The following CEP250 variants were observed in gnomAD, a reference collection of about 807,000 sequenced individuals.
The protein encoded by CEP250 is centrosome-associated protein CEP250.
A neutral mutation model predicts 315.7 loss-of-function variants in CEP250; 242 were observed. That is an observed-to-expected ratio of 0.77 (90% CI 0.69 to 0.85). The LOEUF (loss-of-function observed/expected upper bound fraction) is 0.85. Ranked by LOEUF, CEP250 falls within the 40% of genes least tolerant of loss-of-function variation. The pLI is 0.00. For synonymous variants in CEP250, 1,088 were observed against 1,175.0 expected, an observed-to-expected ratio of 0.93 and a Z score of 1.51; for missense variants, 2,515 against 2,886.4, an observed-to-expected ratio of 0.87 and a Z score of 2.95.
chr20:35,487,350 A>C (rs1488611224), intron 20 of CEP250, among the ~76,000 whole-genome samples: 1 of 152,066 alleles, frequency 6.6e-6, no homozygotes, highest in Non-Finnish European at 1.5e-5. Context: ...TGCACCTGTA[A>C]TCCCAGCTAC....
At chr20:35,459,649 G>A (rs2062712124) in intron 2 of CEP250, among the ~76,000 whole-genome samples, 1 of 151,254 alleles carries the variant, frequency 6.6e-6, no homozygotes, top group African/African-American at 2.4e-5. Context: ...AGCCTCGGTG[G>A]CACACATCTT....
chr20:35,461,631 A>T (rs992004682), intron 3 of CEP250, among the ~76,000 whole-genome samples: 1 of 152,188 alleles, frequency 6.6e-6, no homozygotes, highest in South Asian at 2.1e-4. Flanking sequence ...TCTCTCAACC[A>T]TATGCCAGCT....
chr20:35,504,961 C>T lies in CEP250; in HGVS notation c.6592C>T (p.Gln2198Ter), dbSNP rs780249987. ...SSLQEVAMFLQASVLERDSEQ... is the reference protein window; with the variant it reads ...SSLQEVAMFL ...TCTGCAGGAGGTAGCCATGTTCCTA[C>T]AAGCCTCTGTCCTGGAGCGGGACTC... The change falls in exon 30 of 35, where the codon CAA (glutamine) becomes TAA (stop). Residue 2198 changes from glutamine to a stop codon, truncating the protein, a stop_gained. Coordinates refer to ENST00000397527, the MANE Select transcript of CEP250 (RefSeq NM_007186.6). LOFTEE classifies it high-confidence loss of function. 3 of 1,613,512 alleles carry T rather than the reference C, an allele frequency of 1.9e-6. No individual in the cohort carries two copies. The highest frequency in any genetic ancestry group is 2.5e-6 in the Non-Finnish European group (3 of 1,179,696).
chr20:35,472,419 C>T (rs540342145), intron 11 of CEP250, among the ~76,000 whole-genome samples: 3 of 152,270 alleles, frequency 2.0e-5, no homozygotes, highest in Admixed American at 6.5e-5. Context: ...ATATCTCAAT[C>T]GTTTCTTCTT....
At position 35,512,090 on chromosome 20, in the gene CEP250, A is replaced by G; in HGVS notation, c.*464A>G. 1 of 962,574 alleles carries G rather than the reference A, an allele frequency of 1.0e-6. No homozygotes were observed. The highest frequency in any genetic ancestry group is 4.5e-5 in the South Asian group (1 of 21,986). The allele number at this position is 962,574 out of a possible 1,614,324, so 59.6% of individuals were successfully genotyped here. A position where few individuals can be genotyped will look rare whatever the true frequency, so the allele number is the denominator to read the frequency against. On this transcript the variant is annotated 3_prime_UTR_variant, in exon 35 of 35. Coordinates refer to ENST00000397527, the MANE Select transcript of CEP250 (RefSeq NM_007186.6). Reference sequence around the variant, plus strand: ...AGGTAGCATGCATTTATTGTACACCATGCACTGTGATAGGGAAGGGTTACA... The same window carrying G: ...AGGTAGCATGCATTTATTGTACACCGTGCACTGTGATAGGGAAGGGTTACA...
At chr20:35,507,149 C>G (rs940478887) in intron 30 of CEP250, among the ~76,000 whole-genome samples, 2 of 152,232 alleles carry the variant, frequency 1.3e-5, no homozygotes, top group Non-Finnish European at 2.9e-5. Flanking sequence ...CCCACATCCA[C>G]CTGCGTACAC....
intron 2 of CEP250, among the ~76,000 whole-genome samples, chr20:35,459,573 C>A (rs1011224309): frequency 3.3e-5 from 5 of 151,284 alleles, no homozygotes; most frequent in Admixed American, 2.0e-4. Context: ...CTGTCTGAAA[C>A]CAGGAGTTCG....
Position 35,503,367 on chromosome 20 carries a change from G to T in CEP250, c.4998G>T (p.Arg1666Ser), listed in dbSNP as rs1450995929. The change falls in exon 30 of 35, where the codon AGG (arginine) becomes AGT (serine). Residue 1666 changes from arginine to serine, a missense_variant. Arg to Ser is a moderately radical substitution (Grantham distance 110). Coordinates refer to ENST00000397527, the MANE Select transcript of CEP250 (RefSeq NM_007186.6). This position sits in a 1 kb window ranked among gnomAD's most constrained non-coding sequence, Gnocchi z 4.2. ...AGGAGCTGATGCTGCAGAAGGAGAG[G>T]ATTCAGGTTCTCGAGGATCAGAGGA... ...RDQELMLQKE[R>S]IQVLEDQRTR... 6.2e-7 allele frequency: 1 copy of T among 1,614,042 alleles called. No individual in the cohort carries two copies. The highest frequency in any genetic ancestry group is 1.3e-5 in the African/African-American group (1 of 74,902).
chr20:35,509,143 G>T (rs1707445868), intron 33 of CEP250, 99 bp downstream of exon 33: 4 of 948,772 alleles, frequency 4.2e-6, no homozygotes, highest in Middle Eastern at 2.1e-4. Context: ...CAGCACTTCA[G>T]CTAGTCCAGA....
chr20:35,482,527 C>G (rs914120537), intron 20 of CEP250, among the ~76,000 whole-genome samples: 2 of 148,758 alleles, frequency 1.3e-5, no homozygotes, highest in Middle Eastern at 3.9e-3. Flanking sequence ...GCGTGAGCCA[C>G]CGTGCCCGGC....
rs2064419659 is a variant in CEP250, at chr20:35,514,917, C to T, written c.*3291C>T. Reference sequence around the variant, plus strand: ...TTTAAGTGCAGGGGAGTTCTGTTGTCCACGTTATTCTTAAAGCCCAGAATA... The same window carrying T: ...TTTAAGTGCAGGGGAGTTCTGTTGTTCACGTTATTCTTAAAGCCCAGAATA... On this transcript the variant is annotated 3_prime_UTR_variant, in exon 35 of 35. Coordinates refer to ENST00000397527, the MANE Select transcript of CEP250 (RefSeq NM_007186.6). 1 of 152,138 alleles carries T rather than the reference C, an allele frequency of 6.6e-6. No homozygotes were observed. The highest frequency in any genetic ancestry group is 2.4e-5 in the African/African-American group (1 of 41,406). The allele number at this position is 152,138 out of a possible 1,614,324, so 9.4% of individuals were successfully genotyped here. A position where few individuals can be genotyped will look rare whatever the true frequency, so the allele number is the denominator to read the frequency against.
intron 20 of CEP250, among the ~76,000 whole-genome samples, chr20:35,489,824 C>A (rs919837094): frequency 8.5e-5 from 13 of 152,182 alleles, no homozygotes; most frequent in African/African-American, 2.7e-4. Context: ...AGCAGACAGC[C>A]AGAATTGGCC....
intron 17 of CEP250, among the ~76,000 whole-genome samples, chr20:35,478,914 A>G (rs757025211): frequency 2.0e-5 from 3 of 152,166 alleles, no homozygotes; most frequent in African/African-American, 7.2e-5. Flanking sequence ...CTCCCTTCAC[A>G]GAGTCCCTTT....
At chr20:35,484,762 T>C (rs1024803754) in intron 20 of CEP250, among the ~76,000 whole-genome samples, 7 of 152,174 alleles carry the variant, frequency 4.6e-5, no homozygotes, top group Admixed American at 1.3e-4. Context: ...TGTTAAGGAC[T>C]ATATGCTAGG....
chr20:35,500,168 A>G lies in CEP250; in HGVS notation c.3897A>G (p.Glu1299=), dbSNP rs753895196. ...DLQRQLSQNQ[E]EKSKWEGKQN... Reference sequence around the variant, plus strand: ...AGAGACAGCTCTCCCAGAATCAGGAAGGTGAGAAGCTCAAGACAGGCAGGG... The same window carrying G: ...AGAGACAGCTCTCCCAGAATCAGGAGGGTGAGAAGCTCAAGACAGGCAGGG... The change falls in exon 28 of 35, where the codon GAA becomes GAG. Residue 1299 remains glutamate (E), a splice_region_variant and synonymous_variant. Coordinates refer to ENST00000397527, the MANE Select transcript of CEP250 (RefSeq NM_007186.6). 2 of 1,613,784 alleles carry G rather than the reference A, an allele frequency of 1.2e-6. No individual in the cohort carries two copies. The highest frequency in any genetic ancestry group is 8.5e-7 in the Non-Finnish European group (1 of 1,179,986).
chr20:35,493,338 C>A, intron 22 of CEP250, 91 bp from the exon 23 acceptor site: 1 of 1,222,448 alleles, frequency 8.2e-7, no homozygotes, highest in Non-Finnish European at 1.1e-6. Context: ...GGATTGCTGG[C>A]TCCTGCCTCA....
intron 20 of CEP250, among the ~76,000 whole-genome samples, chr20:35,486,931 A>G (rs764519018): frequency 4.6e-5 from 7 of 152,242 alleles, no homozygotes; most frequent in Admixed American, 1.3e-4. Flanking sequence ...CTTCTGAATG[A>G]TAAGCCAGCT....
rs190185874 is a variant in CEP250, at chr20:35,491,189, G to A, written c.2755-23G>A. 3,955 of 1,609,142 alleles carry A rather than the reference G, an allele frequency of 2.5e-3. 27 individuals carry two copies. The highest frequency in any genetic ancestry group is 1.4e-3 in the Non-Finnish European group (1,633 of 1,178,140). On this transcript the variant is annotated intron_variant, in intron 21 of 34. Transcript: ENST00000397527. The stretch of plus-strand genomic sequence containing the variant: ...CATGGTAATCCTGAGCCCACAAGCT[G>A]TTACCCCCCTACCCCTCCACAGATG...
Position 35,504,287 on chromosome 20 carries a change from C to T in CEP250, c.5918C>T (p.Ala1973Val). The change falls in exon 30 of 35, where the codon GCT becomes GTT. Residue 1973 changes from alanine (A) to valine (V), a missense_variant. Transcript: ENST00000397527. ...AEALQEALGK[A>V]HAALQGKEQH... ...GCTCTGCAGGAGGCCCTTGGCAAGG[C>T]TCATGCTGCCCTGCAGGGGAAAGAG... 1 of 1,588,324 alleles carries T rather than the reference C, an allele frequency of 6.3e-7. No individual in the cohort carries two copies.
Sources: allele counts gnomAD v4.1 joint callset (sites outside exome capture counted in the v4.1 genomes callset), GRCh38; gene constraint gnomAD v4.1.1; non-coding constraint Gnocchi (gnomAD v3.1); transcripts MANE v1.5; gene names NCBI Gene and HGNC (gene_info 2026-07-23, HGNC 2026-07-21).